Variants in ROBO2 observed in about 807,000 individuals in gnomAD.
The protein encoded by ROBO2 is roundabout guidance receptor 2.
ROBO2 carries 53 observed loss-of-function variants against 160.8 expected under a neutral mutation model. The observed-to-expected ratio is 0.33, with a 90% CI of 0.26 to 0.41. ROBO2 has a LOEUF of 0.41. ROBO2 is among the 10% of genes least tolerant of loss of function. ROBO2 has a pLI of 1.00. For missense variants in ROBO2, 1,577 were observed against 1,722.4 expected (o/e 0.92, Z 1.49); for synonymous variants, 664 against 611.7 (o/e 1.09, Z -1.26).
chr3:77,615,551 C>T (rs1228805667), intron 21 of ROBO2, among the ~76,000 whole-genome samples: 5 of 152,160 alleles, frequency 3.3e-5, no homozygotes, highest in East Asian at 1.9e-4. Flanking sequence ...GTCTCCGTAG[C>T]GTTGACTTTT....
intron 2 of ROBO2, among the ~76,000 whole-genome samples, chr3:77,308,214 T>C (rs2063258764): frequency 6.6e-6 from 1 of 152,116 alleles, no homozygotes; most frequent in African/African-American, 2.4e-5. Flanking sequence ...AATCGTTCTT[T>C]TCATGTGAGA....
intron 2 of ROBO2, among the ~76,000 whole-genome samples, chr3:75,939,335 T>C (rs1429168980): frequency 6.6e-6 from 1 of 152,160 alleles, no homozygotes; most frequent in Admixed American, 6.6e-5. Context: ...TTACTAGATA[T>C]TTAAAATATT....
In ROBO2 at chr3:77,300,574, A is replaced by T. The variant is rs568263723; in HGVS notation, c.389-176840A>T. ...ATACTGATGCTAACAGACTAAATTT[A>T]AAAAAAAAATAAATTGTTGATAAGA... is the stretch of plus-strand genomic sequence containing the variant. On this transcript the variant is annotated intron_variant, in intron 2 of 25. Coordinates refer to ENST00000461745, the Ensembl canonical transcript of ROBO2. Among the ~76,000 whole-genome samples, 74 of 149,260 alleles carry T rather than the reference A, an allele frequency of 5.0e-4. 1 individual carries two copies. Among genetic ancestry groups the T allele is most frequent in the Non-Finnish European group, 8.9e-4 (60 of 67,420 alleles).
intron 2 of ROBO2, among the ~76,000 whole-genome samples, chr3:77,457,960 A>G (rs1319965265): frequency 6.6e-6 from 1 of 152,174 alleles, no homozygotes; most frequent in Non-Finnish European, 1.5e-5. Flanking sequence ...ATAAGAGACT[A>G]TATATAACTT....
At chr3:76,796,286 A>G (rs978399325) in intron 2 of ROBO2, among the ~76,000 whole-genome samples, 4 of 152,202 alleles carry the variant, frequency 2.6e-5, no homozygotes, top group African/African-American at 9.6e-5. Flanking sequence ...CCTGAAAAAT[A>G]TGTTTTTTAG....
chr3:76,122,145 G>A (rs1226750097), intron 2 of ROBO2, among the ~76,000 whole-genome samples: 1 of 152,146 alleles, frequency 6.6e-6, no homozygotes, highest in Admixed American at 6.5e-5. Flanking sequence ...TACAGATGAA[G>A]AAAAAATGGC....
At chr3:76,759,095 C>T (rs1001178975) in intron 2 of ROBO2, among the ~76,000 whole-genome samples, 2 of 151,784 alleles carry the variant, frequency 1.3e-5, no homozygotes, top group African/African-American at 4.8e-5. Flanking sequence ...TTTCCAATCT[C>T]CACTGTGTTA....
At chr3:76,555,402 G>T (rs898481267) in intron 2 of ROBO2, among the ~76,000 whole-genome samples, 2 of 71,042 alleles carry the variant, frequency 2.8e-5, no homozygotes, top group African/African-American at 5.9e-5. Context: ...AGAAGAAGAA[G>T]AAGAAGAAGA....
chr3:76,707,381 T>A (rs1193284612), intron 2 of ROBO2, among the ~76,000 whole-genome samples: 2 of 152,122 alleles, frequency 1.3e-5, no homozygotes, highest in East Asian at 1.9e-4. Context: ...GGTGATGCTT[T>A]ACATTACAAT....
At chr3:76,541,695 C>T (rs1371385311) in intron 2 of ROBO2, among the ~76,000 whole-genome samples, 1 of 152,134 alleles carries the variant, frequency 6.6e-6, no homozygotes. Flanking sequence ...TGATTTCAGA[C>T]CTGGTGTAAG....
chr3:76,767,719 A>C (rs545344284), intron 2 of ROBO2, among the ~76,000 whole-genome samples: 2 of 151,628 alleles, frequency 1.3e-5, no homozygotes, highest in East Asian at 3.9e-4. Flanking sequence ...TTTTTAATTA[A>C]TGTATCACAT....
At chr3:76,171,691 CT>C (rs59703714) in intron 2 of ROBO2, among the ~76,000 whole-genome samples, 6 of 150,864 alleles carry the variant, frequency 4.0e-5, no homozygotes, top group African/African-American at 1.2e-4. Flanking sequence ...AGAAAAATCC[CT>C]TTTTTTTTAG....
intron 2 of ROBO2, among the ~76,000 whole-genome samples, chr3:77,195,790 C>A (rs1385470275): frequency 6.6e-6 from 1 of 152,174 alleles, no homozygotes; most frequent in Non-Finnish European, 1.5e-5. Context: ...CTAAATCTGT[C>A]AAGTTACCTG....
chr3:76,272,281 A>G lies in ROBO2; in HGVS notation c.109+334679A>G, dbSNP rs113083639. ...AGGGCCATCTCTTTACGAAATTCATAGCTTATATAATAAATATAGGTGAGG... is the reference window on the plus strand; with the variant it reads ...AGGGCCATCTCTTTACGAAATTCATGGCTTATATAATAAATATAGGTGAGG... On this transcript the variant is annotated intron_variant, in intron 2 of 26. Transcript: ENST00000487694. Among the ~76,000 whole-genome samples the G allele has an allele frequency of 6.1e-4, 93 of 152,274 alleles. 1 individual carries two copies. Among genetic ancestry groups the G allele is most frequent in the African/African-American group, 1.9e-3 (79 of 41,566 alleles).
intron 6 of ROBO2, among the ~76,000 whole-genome samples, chr3:77,543,207 C>G (rs2092554755): frequency 6.6e-6 from 1 of 152,096 alleles, no homozygotes; most frequent in East Asian, 1.9e-4. Flanking sequence ...TCTTTCTCCC[C>G]CAGTGCCATC....
intron 2 of ROBO2, among the ~76,000 whole-genome samples, chr3:76,629,892 A>T (rs1341459904): frequency 6.6e-6 from 1 of 152,040 alleles, no homozygotes; most frequent in Non-Finnish European, 1.5e-5. Context: ...AACTTACCAT[A>T]CTTTTCTGAG....
intron 6 of ROBO2, among the ~76,000 whole-genome samples, chr3:77,544,936 C>G (rs2092638771): frequency 6.6e-6 from 1 of 152,074 alleles, no homozygotes; most frequent in Admixed American, 6.6e-5. Flanking sequence ...CTGTCTTTCA[C>G]TTTATTCTCT....
chr3:76,008,434 G>A (rs1009998510), intron 2 of ROBO2, among the ~76,000 whole-genome samples: 2 of 151,986 alleles, frequency 1.3e-5, no homozygotes, highest in African/African-American at 4.8e-5. Context: ...AGTATTAGCA[G>A]TGTCGATGCC....
At chr3:77,337,745 A>G (rs2066636019) in intron 2 of ROBO2, among the ~76,000 whole-genome samples, 2 of 152,204 alleles carry the variant, frequency 1.3e-5, no homozygotes, top group South Asian at 4.1e-4. Flanking sequence ...CCTAATCTTA[A>G]TATTAAATTC....
Sources: gnomAD v4.1 joint callset for allele counts (sites outside exome capture counted in the v4.1 genomes callset) on GRCh38, gnomAD v4.1.1 for gene constraint, MANE v1.5 for transcripts, NCBI Gene and HGNC (gene_info 2026-07-23, HGNC 2026-07-21) for gene names.